Variants in DSE observed in about 807,000 individuals in gnomAD.
DSE encodes the protein dermatan sulfate epimerase.
DSE carries 36 observed loss-of-function variants against 84.4 expected under a neutral mutation model. The ratio of observed to expected loss-of-function variants is 0.43; its 90% CI spans 0.33 to 0.56. DSE has a LOEUF of 0.56. DSE is among the 20% of genes least tolerant of loss of function. The pLI is 0.06. For synonymous variants in DSE, 410 were observed against 430.1 expected (o/e 0.95, Z 0.58); for missense variants, 862 against 1,169.6 (o/e 0.74, Z 3.84).
In DSE at chr6:116,441,572, A is replaced by G. The variant is rs1784427416; in HGVS notation, c.*4227A>G. 6.6e-6 allele frequency: 1 copy of G among 152,220 alleles called. No homozygotes were observed. Among genetic ancestry groups the G allele is most frequent in the Non-Finnish European group, 1.5e-5 (1 of 68,056 alleles). The allele number at this position is 152,220 out of a possible 1,614,324, so 9.4% of individuals were successfully genotyped here. On this transcript the variant is annotated 3_prime_UTR_variant, in exon 6 of 6. Coordinates refer to ENST00000644252, the MANE Select transcript of DSE (RefSeq NM_013352.4). ...CCATTCTTTATACTTATTGGAAGAT[A>G]ATAGGTGCTATGGAAGGAAAAGTCA...
Position 116,321,466 on chromosome 6 carries a change from G to A in DSE, c.-54+62499G>A, listed in dbSNP as rs77072312. On this transcript the variant is annotated intron_variant, in intron 2 of 3. Transcript: ENST00000430252. ...CGAGATTTGACAAGCATGAGCTACTGCACCCAGCCCACAAAAACTCTTCTT... is the reference window on the plus strand; with the variant it reads ...CGAGATTTGACAAGCATGAGCTACTACACCCAGCCCACAAAAACTCTTCTT... Among the ~76,000 whole-genome samples the A allele has an allele frequency of 5.3e-4, 81 of 151,460 alleles. 1 individual carries two copies. The East Asian group carries it at 0.015, about 28-fold the overall frequency.
intron 2 of DSE, among the ~76,000 whole-genome samples, chr6:116,355,429 A>G (rs1005367475): frequency 1.3e-5 from 2 of 151,964 alleles, no homozygotes; most frequent in African/African-American, 4.8e-5. Context: ...TAAGCCTTCT[A>G]CTCCAATTAG....
intron 1 of DSE, among the ~76,000 whole-genome samples, chr6:116,384,890 G>A (rs953274947): frequency 6.6e-6 from 1 of 152,104 alleles, no homozygotes; most frequent in South Asian, 2.1e-4. Flanking sequence ...TAGATTAGAA[G>A]GTCATAAGTG....
chr6:116,347,553 T>A (rs1187065134), intron 2 of DSE, among the ~76,000 whole-genome samples: 1 of 152,262 alleles, frequency 6.6e-6, no homozygotes, highest in Admixed American at 6.5e-5. Context: ...AAAGATTCCC[T>A]GTTTAATTAA....
At chr6:116,370,946 C>G (rs1779505853), upstream of DSE, 2 of 985,322 alleles carry the variant, frequency 2.0e-6, no homozygotes, top group Non-Finnish European at 1.2e-6. Flanking sequence ...GCCCGGCTCT[C>G]AGTAGCGTCG....
chr6:116,433,187 C>A, intron 4 of DSE, 156 bp from the exon 5 acceptor site: 1 of 723,502 alleles, frequency 1.4e-6, no homozygotes. Flanking sequence ...ACTAACTGGT[C>A]TGGAATAAAA....
chr6:116,347,519 C>G (rs550462339), intron 2 of DSE, among the ~76,000 whole-genome samples: 2 of 151,228 alleles, frequency 1.3e-5, no homozygotes, highest in African/African-American at 4.8e-5. Flanking sequence ...CTTTGACAAA[C>G]CTGACAAAAA....
Position 116,439,247 on chromosome 6 carries a change from A to G in DSE, c.*1902A>G, listed in dbSNP as rs983835946. ...CCTGATCTCAGATCCAAACTGAGAC[A>G]TACTTTCTAACAGAGATGAAAAGTG... is the stretch of plus-strand genomic sequence containing the variant. On this transcript the variant is annotated 3_prime_UTR_variant, in exon 6 of 6. Transcript: ENST00000644252. The G allele has an allele frequency of 1.3e-5, 2 of 152,214 alleles. No individual in the cohort carries two copies. The highest frequency in any genetic ancestry group is 2.9e-5 in the Non-Finnish European group (2 of 68,026). The allele number at this position is 152,214 out of a possible 1,614,324, so 9.4% of individuals were successfully genotyped here.
chr6:116,258,830 C>T lies in DSE; in HGVS notation c.-191C>T, dbSNP rs566171278. 148 of 1,608,654 alleles carry T rather than the reference C, an allele frequency of 9.2e-5. 1 individual carries two copies. In the African/African-American group the frequency reaches 1.6e-3, roughly 17 times the overall value. Reference sequence around the variant, plus strand: ...GTGAGCAGGTGTATGACCTCGAAGGCATGCTTGACGATGCACACAGTCATG... The same window carrying T: ...GTGAGCAGGTGTATGACCTCGAAGGTATGCTTGACGATGCACACAGTCATG... On this transcript the variant is annotated 5_prime_UTR_variant, in exon 2 of 4. Coordinates refer to the DSE transcript ENST00000430252.
At chr6:116,368,929 CG>C (rs1779329084), upstream of DSE, among the ~76,000 whole-genome samples, 1 of 1,932 alleles carries the variant, frequency 5.2e-4, no homozygotes, top group African/African-American at 3.1e-3. Flanking sequence ...ATGGGGTGGG[CG>C]GGGGCGGGGG....
chr6:116,295,346 G>A (rs866653397), intron 2 of DSE, among the ~76,000 whole-genome samples: 1 of 152,098 alleles, frequency 6.6e-6, no homozygotes, highest in African/African-American at 2.4e-5. Context: ...TTTGAGACTC[G>A]CTGTGGAGTA....
At chr6:116,326,828 TG>T (rs1244293845) in intron 2 of DSE, among the ~76,000 whole-genome samples, 1 of 152,178 alleles carries the variant, frequency 6.6e-6, no homozygotes. Context: ...ACTAGAGAGA[TG>T]AGAATGTAAA....
At chr6:116,400,985 T>C (rs997407921) in intron 2 of DSE, 3 of 152,178 alleles carry the variant, frequency 2.0e-5, no homozygotes, top group African/African-American at 4.8e-5. Context: ...TTTAAAGTCC[T>C]TTTTGTTTTA....
chr6:116,345,850 A>C (rs1041554132), intron 2 of DSE, among the ~76,000 whole-genome samples: 1 of 152,204 alleles, frequency 6.6e-6, no homozygotes, highest in Admixed American at 6.5e-5. Context: ...CGAAAAGATC[A>C]ACAAAATTGA....
chr6:116,411,214 A>G (rs966796411), intron 2 of DSE, among the ~76,000 whole-genome samples: 1 of 152,154 alleles, frequency 6.6e-6, no homozygotes, highest in African/African-American at 2.4e-5. Flanking sequence ...TATATCCAAT[A>G]TGAAATATGC....
chr6:116,293,682 G>A (rs1271231635), intron 2 of DSE, among the ~76,000 whole-genome samples: 1 of 152,196 alleles, frequency 6.6e-6, no homozygotes, highest in Non-Finnish European at 1.5e-5. Context: ...CAACAAGATT[G>A]CTTGAGCTCA....
At chr6:116,257,174 C>T (rs1045961204) in intron 1 of DSE, 1 of 152,126 alleles carries the variant, frequency 6.6e-6, no homozygotes, top group Admixed American at 6.5e-5. Flanking sequence ...ATACCATATA[C>T]TTTTATGTGC....
At chr6:116,334,613 A>C (rs947920224) in intron 2 of DSE, among the ~76,000 whole-genome samples, 2 of 152,158 alleles carry the variant, frequency 1.3e-5, no homozygotes, top group South Asian at 2.1e-4. Flanking sequence ...CTACGTCCAG[A>C]ATGGTATTGC....
At chr6:116,257,409 A>G (rs58793398) in intron 1 of DSE, 6,500 of 152,332 alleles carry the variant, frequency 0.043, 219 homozygotes, top group African/African-American at 0.09. Flanking sequence ...CATAAAATGA[A>G]AAGCCACCTT....
Sources: gnomAD v4.1 joint callset for allele counts (sites outside exome capture counted in the v4.1 genomes callset) on GRCh38, gnomAD v4.1.1 for gene constraint, MANE v1.5 for transcripts, NCBI Gene and HGNC (gene_info 2026-07-23, HGNC 2026-07-21) for gene names.